The following SAMD11 variants were observed in gnomAD, a reference collection of about 807,000 sequenced individuals.
The protein encoded by SAMD11 is sterile alpha motif domain containing 11.
In SAMD11, 77 loss-of-function variants were observed where a neutral mutation model predicts 64.4. The observed-to-expected ratio is 1.20, with a 90% CI of 0.99 to 1.44. The LOEUF is 1.44. Ranked by LOEUF, SAMD11 falls within the 40% of genes most tolerant of loss-of-function variation. SAMD11 has a pLI of 0.00. For synonymous variants in SAMD11, 658 were observed against 421.9 expected, an observed-to-expected ratio of 1.56 and a Z score of -6.86; for missense variants, 1,402 against 943.3, an observed-to-expected ratio of 1.49 and a Z score of -6.37.
Position 942,897 on chromosome 1 carries a change from A to G in SAMD11, c.1892A>G (p.Asp631Gly), listed in dbSNP as rs752439076. ...QDGSEDEPPK[D>G]SDGEDPETAA... ...GGCTCGGAAGACGAGCCCCCCAAAG[A>G]CTCGGACGGAGAGGACCCCGAGACG... is the stretch of plus-strand genomic sequence containing the variant. The change falls in exon 11 of 14, where the codon GAC becomes GGC. Residue 631 changes from aspartate to glycine, a missense_variant. Transcript: ENST00000616016. 1 of 1,554,486 alleles carries G rather than the reference A, an allele frequency of 6.4e-7. No homozygotes were observed. Among genetic ancestry groups the G allele is most frequent in the East Asian group, 2.4e-5 (1 of 41,826 alleles).
chr1:929,031 C>G (rs746777212), intron 2 of SAMD11, among the ~76,000 whole-genome samples: 2 of 152,216 alleles, frequency 1.3e-5, no homozygotes, highest in African/African-American at 2.4e-5. Flanking sequence ...GCTCTGCCAC[C>G]TCCCGGAGCC....
intron 4 of SAMD11, 129 bp downstream of exon 4, chr1:931,218 G>A (rs904887832): frequency 1.1e-6 from 1 of 895,852 alleles, no homozygotes; most frequent in Non-Finnish European, 1.8e-6. Flanking sequence ...CTGGCTGAGT[G>A]TCTGCCAGGT....
rs1419420894 is a variant in SAMD11 at position 926,095 on chromosome 1, C to T, written c.609+82C>T. ...CTGCGGTTTTCAGGGTTTTCAGGAT[C>T]GAGAGTCCTAACCTCACCCCTGCGG... On this transcript the variant is annotated intron_variant, in intron 2 of 13. Coordinates refer to ENST00000616016, the MANE Select transcript of SAMD11 (RefSeq NM_001385641.1). 8.1e-6 allele frequency: 11 copies of T among 1,362,576 alleles called. No homozygotes were observed. In the Admixed American group the frequency reaches 1.2e-4, roughly 15 times the overall value. The allele number at this position is 1,362,576 out of a possible 1,614,324, so 84.4% of individuals were successfully genotyped here.
Position 939,255 on chromosome 1 carries a change from C to A in SAMD11, c.1058-20C>A. On this transcript the variant is annotated intron_variant, in intron 6 of 13. Transcript: ENST00000616016. The stretch of plus-strand genomic sequence containing the variant: ...CGGCAGTGCCTGGAGAAACCTCTCA[C>A]CCCGGGTCCTCCCCAGCAGAGGCGC... 6.3e-7 allele frequency: 1 copy of A among 1,577,670 alleles called. No individual in the cohort carries two copies. Among genetic ancestry groups the A allele is most frequent in the South Asian group, 1.2e-5 (1 of 86,562 alleles).
intron 7 of SAMD11, 48 bp from the exon 8 acceptor site, chr1:941,096 G>C (rs762167680): frequency 5.9e-6 from 9 of 1,517,376 alleles, no homozygotes; most frequent in East Asian, 4.9e-5. Context: ...GGCTGGGGAG[G>C]ATGAGGGCGC....
At chr1:929,758 C>T (rs750266564) in intron 2 of SAMD11, among the ~76,000 whole-genome samples, 2 of 152,216 alleles carry the variant, frequency 1.3e-5, no homozygotes, top group Non-Finnish European at 2.9e-5. Flanking sequence ...AGGCCTGTCG[C>T]ACATGGGGTG....
chr1:943,319 CCGTGGATGA>C lies in SAMD11; in HGVS notation c.2124_2132del (p.Asp709_Val711del), dbSNP rs1641925925. On this transcript the variant is annotated inframe_deletion, in exon 12 of 14. Transcript: ENST00000616016. ...GCCCCTGAGGACGTCACCAAGTGGA[CCGTGGATGA>C]CGTCTGCAGCTTCGTGGGGGGCCTG... is the stretch of plus-strand genomic sequence containing the variant. 1.9e-6 allele frequency: 3 copies of C among 1,610,942 alleles called. No individual in the cohort carries two copies. The highest frequency in any genetic ancestry group is 1.7e-6 in the Non-Finnish European group (2 of 1,178,802).
At position 943,909 on chromosome 1, in the gene SAMD11, T is replaced by C; in HGVS notation, c.2291T>C (p.Val764Ala). ...LGPALKIRAQ[V>A]ARRLGRVFYV... ...CCCCACCAGGCCATCTCTCTGCAGG[T>C]GGCCAGGCGCCTGGGCCGAGTTTTC... The change falls in exon 14 of 14, where the codon GTG becomes GCG. Residue 764 changes from valine (V) to alanine (A), a missense_variant and splice_region_variant. By Grantham distance (64) the Val-to-Ala change is moderately conservative (BLOSUM62 0). Transcript: ENST00000616016. The C allele has an allele frequency of 6.2e-7, 1 of 1,612,738 alleles. No individual in the cohort carries two copies. The highest frequency in any genetic ancestry group is 8.5e-7 in the Non-Finnish European group (1 of 1,179,806).
At chr1:932,591 C>T (rs780655912) in intron 4 of SAMD11, among the ~76,000 whole-genome samples, 17 of 133,464 alleles carry the variant, frequency 1.3e-4, no homozygotes, top group African/African-American at 3.1e-4. Context: ...TGAACCCACA[C>T]GGGCTCCCAG....
Position 942,765 on chromosome 1 carries a change from C to G in SAMD11, c.1760C>G (p.Ser587Cys), listed in dbSNP as rs761622868. 53 of 1,531,766 alleles carry G rather than the reference C, an allele frequency of 3.5e-5. No individual in the cohort carries two copies. Among genetic ancestry groups the G allele is most frequent in the Middle Eastern group, 3.8e-4 (2 of 5,254 alleles). The allele number at this position is 1,531,766 out of a possible 1,614,324, so 94.9% of individuals were successfully genotyped here. ...CCGGGCTCCGGACCCCCCACCCCGT[C>G]CCGGGACTCTGCCCGGCGAGCCCCC... ...GPPGSGPPTP[S>C]RDSARRAPRK... Residue 587 changes from serine (S) to cysteine (C), a missense_variant, in exon 11 of 14, where the codon TCC becomes TGC. By Grantham distance (112) the Ser-to-Cys change is moderately radical. Transcript: ENST00000616016.
At chr1:940,841 C>T (rs895142707) in intron 7 of SAMD11, among the ~76,000 whole-genome samples, 2 of 152,174 alleles carry the variant, frequency 1.3e-5, no homozygotes, top group Non-Finnish European at 2.9e-5. Context: ...GGCTCTGTGG[C>T]CTCGGGACGT....
chr1:928,406 GAA>G (rs1055898873), intron 2 of SAMD11, among the ~76,000 whole-genome samples: 4 of 152,242 alleles, frequency 2.6e-5, no homozygotes, highest in African/African-American at 7.2e-5. Context: ...AACTAAAAAA[GAA>G]GAGAGGTGGG....
Position 940,951 on chromosome 1 carries a change from CGCCCAGCAT to C in SAMD11, c.1196-192_1196-184del, listed in dbSNP as rs1400454659. On this transcript the variant is annotated intron_variant, in intron 7 of 13. Coordinates refer to ENST00000616016, the MANE Select transcript of SAMD11 (RefSeq NM_001385641.1). The stretch of plus-strand genomic sequence containing the variant: ...GGAAGAGCTTTTCCCGACACTTCCT[CGCCCAGCAT>C]CTTGTCTGCCGTCTCGGCCCTGTGG... The C allele has an allele frequency of 9.4e-6, 5 of 530,430 alleles. No individual in the cohort carries two copies. The Admixed American group carries it at 1.9e-4, about 20-fold the overall frequency. The allele number at this position is 530,430 out of a possible 1,614,324, so 32.9% of individuals were successfully genotyped here. A position where few individuals can be genotyped will look rare whatever the true frequency, so the allele number is the denominator to read the frequency against.
rs1553160465 is a variant in SAMD11 at position 943,297 on chromosome 1, C to T, written c.2098C>T (p.Pro700Ser). 2 of 1,612,558 alleles carry T rather than the reference C, an allele frequency of 1.2e-6. No homozygotes were observed. The highest frequency in any genetic ancestry group is 2.2e-5 in the East Asian group (1 of 44,786). The change falls in exon 12 of 14, where the codon CCT becomes TCT. Residue 700 changes from proline to serine, a missense_variant. Coordinates refer to ENST00000616016, the MANE Select transcript of SAMD11 (RefSeq NM_001385641.1). Reference sequence around the variant, plus strand: ...CATGGATGGGGAGGAGGCCCCAGCCCCTGAGGACGTCACCAAGTGGACCGT... The same window carrying T: ...CATGGATGGGGAGGAGGCCCCAGCCTCTGAGGACGTCACCAAGTGGACCGT... Reference protein sequence around the residue: ...LSMDGEEAPAPEDVTKWTVDD... With the variant: ...LSMDGEEAPASEDVTKWTVDD...
chr1:935,835 C>G lies in SAMD11; in HGVS notation c.906C>G (p.Pro302=), dbSNP rs28419423. 0.013 allele frequency: 20,610 copies of G among 1,613,350 alleles called. 1,034 individuals are homozygous for G. In the East Asian group the frequency reaches 0.15, roughly 12 times the overall value. Residue 302 remains proline, a synonymous_variant, in exon 5 of 14, where the codon CCC becomes CCG. Transcript: ENST00000616016. ...SVHRSRHLVM[P]EHQSRCEFQR... ...ACCGCAGCCGCCACCTCGTTATGCC[C>G]GAGCATCAGAGCCGCTGTGAATTCC...
At chr1:939,597 C>G in intron 7 of SAMD11, 185 bp downstream of exon 7, 9 of 875,404 alleles carry the variant, frequency 1.0e-5, no homozygotes, top group Non-Finnish European at 1.3e-5. Flanking sequence ...CTGCCCCATG[C>G]CCCCTGGGGC....
Position 930,312 on chromosome 1 carries a change from C to G in SAMD11, c.767C>G (p.Pro256Arg), listed in dbSNP as rs539026517. Residue 256 changes from proline to arginine, a missense_variant, in exon 3 of 14, where the codon CCG (proline) becomes CGG (arginine). Coordinates refer to ENST00000616016, the MANE Select transcript of SAMD11 (RefSeq NM_001385641.1). ...RRPGLKQEDGPHIRIMKRRVH... is the reference protein window; with the variant it reads ...RRPGLKQEDGRHIRIMKRRVH... ...CCAGGCTTGAAGCAGGAGGATGGTC[C>G]GCACATCCGTATCATGAAGAGAAGG... 1.1e-4 allele frequency: 178 copies of G among 1,606,846 alleles called. 2 individuals carry two copies. The South Asian group carries it at 2.0e-3, about 18-fold the overall frequency.
chr1:928,628 C>T (rs1641022938), intron 2 of SAMD11, among the ~76,000 whole-genome samples: 1 of 152,254 alleles, frequency 6.6e-6, no homozygotes, highest in South Asian at 2.1e-4. Flanking sequence ...TTGGGGGCAG[C>T]CCAGGGTCAG....
intron 8 of SAMD11, 71 bp downstream of exon 8, chr1:941,377 G>C: frequency 7.2e-7 from 1 of 1,395,690 alleles, no homozygotes; most frequent in Non-Finnish European, 9.5e-7. Context: ...TCAGCCACCA[G>C]CACGCGCCCC....
Sources: allele counts gnomAD v4.1 joint callset (sites outside exome capture counted in the v4.1 genomes callset), GRCh38; gene constraint gnomAD v4.1.1; transcripts MANE v1.5; gene names NCBI Gene and HGNC (gene_info 2026-07-23, HGNC 2026-07-21).